SLC4A2: variants seen among roughly 807,000 people sequenced by gnomAD.
The protein encoded by SLC4A2 is anion exchange protein 2.
In SLC4A2, 36 loss-of-function variants were observed where a neutral mutation model predicts 115.0. The observed-to-expected ratio is 0.31, with a 90% CI of 0.24 to 0.41. The LOEUF is 0.41. SLC4A2 is among the 10% of genes least tolerant of loss of function. The pLI, the probability that SLC4A2 is intolerant of heterozygous loss-of-function variation, is 1.00. For missense variants in SLC4A2, 1,252 were observed against 1,705.6 expected (o/e 0.73, Z 4.68); for synonymous variants, 708 against 708.3 (o/e 1.00, Z 0.01).
chr7:151,068,202 G>A (rs566461317), intron 8 of SLC4A2, 148 bp downstream of exon 8: 21 of 550,330 alleles, frequency 3.8e-5, no homozygotes, highest in East Asian at 7.0e-5. Context: ...TTGCATTTTC[G>A]GCCAGCAGCT....
At chr7:151,062,112 T>A in intron 2 of SLC4A2, 74 bp downstream of exon 2, 1 of 1,282,402 alleles carries the variant, frequency 7.8e-7, no homozygotes, top group Non-Finnish European at 1.1e-6. Context: ...CCAAGGGTCC[T>A]CGCCAACCAG....
chr7:151,076,497 C>A lies in SLC4A2; in HGVS notation c.*130C>A. 3 of 806,254 alleles carry A rather than the reference C, an allele frequency of 3.7e-6. No homozygotes were observed. In the South Asian group the frequency reaches 6.5e-5, roughly 17 times the overall value. The allele number at this position is 806,254 out of a possible 1,614,324, so 49.9% of individuals were successfully genotyped here. A position where few individuals can be genotyped will look rare whatever the true frequency, so the allele number is the denominator to read the frequency against. ...TTAAAGTCTTCTCCTCCCCCACTGCCCCTGCAGTAAAGTGCTTTGGCCCCC... is the reference window on the plus strand; with the variant it reads ...TTAAAGTCTTCTCCTCCCCCACTGCACCTGCAGTAAAGTGCTTTGGCCCCC... On this transcript the variant is annotated 3_prime_UTR_variant, in exon 23 of 23. Coordinates refer to ENST00000413384, the MANE Select transcript of SLC4A2 (RefSeq NM_003040.4).
intron 7 of SLC4A2, among the ~76,000 whole-genome samples, chr7:151,067,513 T>C (rs896909719): frequency 2.6e-4 from 40 of 152,230 alleles, no homozygotes; most frequent in Admixed American, 6.5e-4. Context: ...TTGAGTATTG[T>C]GGTTATAATT....
Position 151,071,015 on chromosome 7 carries a change from T to A in SLC4A2, c.1750-57T>A. The A allele has an allele frequency of 3.1e-6, 5 of 1,594,044 alleles. No individual in the cohort carries two copies. Among genetic ancestry groups the A allele is most frequent in the Non-Finnish European group, 4.3e-6 (5 of 1,166,292 alleles). ...CCCACTGGCCTTGCCCACCCTCAGC[T>A]CCAGGCCCTCAGCCCTCTTCTTTGT... On this transcript the variant is annotated intron_variant, in intron 12 of 22. Transcript: ENST00000413384. This position sits in a 1 kb window ranked among gnomAD's most constrained non-coding sequence, Gnocchi z 5.5.
intron 8 of SLC4A2, among the ~76,000 whole-genome samples, chr7:151,069,180 C>T (rs940809604): frequency 5.7e-5 from 6 of 105,158 alleles, no homozygotes; most frequent in South Asian, 3.0e-4. Context: ...ACCTAGAAAC[C>T]GGCTTTTAGA....
rs149482871 is a variant in SLC4A2, at chr7:151,075,324, C to T, written c.3117C>T (p.Ile1039=). ...GSGFHLDLLL[I]VAMGGICALF... ...GCTTCCACCTGGACCTGCTGCTCAT[C>T]GTGGCCATGGGCGGCATCTGTGCCC... Residue 1039 remains isoleucine, a synonymous_variant, in exon 20 of 23, where the codon ATC becomes ATT. Coordinates refer to ENST00000413384, the MANE Select transcript of SLC4A2 (RefSeq NM_003040.4). 1.7e-5 allele frequency: 28 copies of T among 1,613,396 alleles called. No homozygotes were observed. In the Middle Eastern group the frequency reaches 6.6e-4, roughly 38 times the overall value.
At chr7:151,063,413 TTTC>T (rs1421204670) in intron 2 of SLC4A2, among the ~76,000 whole-genome samples, 2 of 152,004 alleles carry the variant, frequency 1.3e-5, no homozygotes, top group South Asian at 2.1e-4. Context: ...CCAACTGGAG[TTTC>T]TTCACTATCT....
At chr7:151,074,970 CA>C (rs1797568005) in intron 19 of SLC4A2, 129 bp downstream of exon 19, 1 of 998,864 alleles carries the variant, frequency 1.0e-6, no homozygotes, top group Admixed American at 2.6e-5. Context: ...CCCAGATGGC[CA>C]CAGTTTATTC....
upstream of SLC4A2, among the ~76,000 whole-genome samples, chr7:151,059,341 G>GT (rs143216167): frequency 6.9e-4 from 105 of 152,268 alleles, 6 homozygotes; most frequent in East Asian, 0.01. The surrounding 1 kb of genome is among the most constrained non-coding windows in gnomAD (Gnocchi z 5.8). Flanking sequence ...GAATTTCCTT[G>GT]TGCCTGCGTT....
At position 151,069,933 on chromosome 7, in the gene SLC4A2, C is replaced by T. The variant is rs1307094342; in HGVS notation, c.1148-14C>T. 3 of 1,613,528 alleles carry T rather than the reference C, an allele frequency of 1.9e-6. No homozygotes were observed. Among genetic ancestry groups the T allele is most frequent in the Admixed American group, 1.7e-5 (1 of 60,000 alleles). On this transcript the variant is annotated splice_polypyrimidine_tract_variant and intron_variant, in intron 8 of 22. Coordinates refer to ENST00000413384, the MANE Select transcript of SLC4A2 (RefSeq NM_003040.4). ...ACCTGGGGCTGAGGGGCCCTCTGTGCCATCTTATGCTAGGGGCTGTGCTCT... is the reference window on the plus strand; with the variant it reads ...ACCTGGGGCTGAGGGGCCCTCTGTGTCATCTTATGCTAGGGGCTGTGCTCT...
At position 151,075,523 on chromosome 7, in the gene SLC4A2, G is replaced by C; in HGVS notation, c.3301+15G>C. On this transcript the variant is annotated intron_variant, in intron 20 of 22. Coordinates refer to ENST00000413384, the MANE Select transcript of SLC4A2 (RefSeq NM_003040.4). ...CCTGCTTGTGGGTACGTTGCCTCTT[G>C]CCTTTCCCTTCCCAGTGGATTCCCC... 2 of 1,595,740 alleles carry C rather than the reference G, an allele frequency of 1.3e-6. No homozygotes were observed. The highest frequency in any genetic ancestry group is 1.7e-6 in the Non-Finnish European group (2 of 1,176,548).
chr7:151,062,485 A>AT, intron 2 of SLC4A2: 1 of 1,289,876 alleles, frequency 7.8e-7, no homozygotes, highest in Non-Finnish European at 9.9e-7. Flanking sequence ...ACCGCTCCAC[A>AT]TGGCCCCCTT....
chr7:151,062,795 A>C (rs1797096636), intron 2 of SLC4A2: 31 of 1,366,324 alleles, frequency 2.3e-5, no homozygotes, highest in Non-Finnish European at 2.8e-5. Flanking sequence ...GATGGACAGG[A>C]GCCTTCCTCA....
rs777169604 is a variant in SLC4A2, at chr7:151,070,227, G to C, written c.1330G>C (p.Ala444Pro). 6.2e-7 allele frequency: 1 copy of C among 1,614,140 alleles called. No homozygotes were observed. The highest frequency in any genetic ancestry group is 1.3e-5 in the African/African-American group (1 of 75,056). Residue 444 changes from alanine (A) to proline (P), a missense_variant, in exon 10 of 23, where the codon GCT (alanine) becomes CCT (proline). Ala to Pro is a conservative substitution (Grantham distance 27, BLOSUM62 -1). This residue lies in a region of SLC4A2 where 142 missense variants were observed against 153.5 expected (regional missense o/e 0.93). Transcript: ENST00000413384. ...KDFSFPRNIS[A>P]GSLGSLLGHH... is the part of the protein sequence containing the mutation. ...CTTCTCCTTCCCCCGCAACATCTCA[G>C]CTGGCTCCCTGGGCTCCCTGCTGGG...
intron 16 of SLC4A2, 118 bp from the exon 17 acceptor site, chr7:151,073,921 C>A: frequency 9.1e-7 from 1 of 1,095,400 alleles, no homozygotes; most frequent in Non-Finnish European, 1.3e-6. Flanking sequence ...ACAAGACAAG[C>A]TCCTTGAAAG....
chr7:151,070,074 GA>G lies in SLC4A2; in HGVS notation c.1278del (p.Lys426AsnfsTer79). ...RANVLRALLL[K>X]HSHPSDEKDF... is the part of the protein sequence containing the mutation. ...CCAACGTGCTGCGGGCTCTGCTGTT[GA>G]AACACAGGTGAGGCCCTGTGGGCCA... On this transcript the variant is annotated frameshift_variant, in exon 9 of 23. Coordinates refer to ENST00000413384, the MANE Select transcript of SLC4A2 (RefSeq NM_003040.4). LOFTEE classifies it high-confidence loss of function. The G allele has an allele frequency of 6.2e-7, 1 of 1,614,030 alleles. No homozygotes were observed. Among genetic ancestry groups the G allele is most frequent in the Non-Finnish European group, 8.5e-7 (1 of 1,179,926 alleles).
At chr7:151,066,291 G>A (rs1324885165) in intron 5 of SLC4A2, among the ~76,000 whole-genome samples, 3 of 152,250 alleles carry the variant, frequency 2.0e-5, no homozygotes, top group African/African-American at 7.2e-5. Flanking sequence ...GGGCCTCGGG[G>A]TGACCGTTTG....
At chr7:151,076,246 C>A in intron 22 of SLC4A2, 41 bp from the exon 23 acceptor site, 1 of 1,590,918 alleles carries the variant, frequency 6.3e-7, no homozygotes, top group Non-Finnish European at 8.6e-7. Context: ...CTGGAAAGGC[C>A]CCCCCACTTC....
rs1309499867 is a variant in SLC4A2 at position 151,072,050 on chromosome 7, C to T, written c.2449C>T (p.Arg817Cys). The T allele has an allele frequency of 9.3e-6, 15 of 1,613,974 alleles. No individual in the cohort carries two copies. Among genetic ancestry groups the T allele is most frequent in the East Asian group, 2.2e-5 (1 of 44,888 alleles). The change falls in exon 16 of 23, where the codon CGC (arginine) becomes TGC (cysteine). Residue 817 changes from arginine to cysteine, a missense_variant. Physicochemically the swap from Arg to Cys is radical, Grantham distance 180. Coordinates refer to ENST00000413384, the MANE Select transcript of SLC4A2 (RefSeq NM_003040.4). ...GGCCCTGGAGGGGAGCTTCCTGGTCCGCTTCGTCTCCCGCTTCACCCAGGA... is the reference window on the plus strand; with the variant it reads ...GGCCCTGGAGGGGAGCTTCCTGGTCTGCTTCGTCTCCCGCTTCACCCAGGA... ...MVALEGSFLVRFVSRFTQEIF... is the reference protein window; with the variant it reads ...MVALEGSFLVCFVSRFTQEIF...
Sources: gnomAD v4.1 joint callset for allele counts (sites outside exome capture counted in the v4.1 genomes callset) on GRCh38, gnomAD v4.1.1 for gene constraint, gnomAD v4.1.1 regional missense constraint, Gnocchi (gnomAD v3.1) non-coding constraint, MANE v1.5 for transcripts, NCBI Gene and HGNC (gene_info 2026-07-23, HGNC 2026-07-21) for gene names.